TDRD9: variants seen among roughly 807,000 people sequenced by gnomAD.
The protein encoded by TDRD9 is ATP-dependent RNA helicase TDRD9.
A neutral mutation model predicts 172.6 loss-of-function variants in TDRD9; 124 were observed. The ratio of observed to expected loss-of-function variants is 0.72; its 90% CI spans 0.62 to 0.83. TDRD9 has a LOEUF of 0.83. Ranked by LOEUF, TDRD9 falls within the 40% of genes least tolerant of loss-of-function variation. TDRD9 has a pLI of 0.00. For synonymous variants in TDRD9, 619 were observed against 617.1 expected (o/e 1.00, Z -0.05); for missense variants, 1,479 against 1,714.1 (o/e 0.86, Z 2.42).
At chr14:103,939,932 TA>T (rs2031112614) in intron 1 of TDRD9, 1 of 150,814 alleles carries the variant, frequency 6.6e-6, no homozygotes, top group Non-Finnish European at 1.5e-5. Flanking sequence ...TTGATACGTA[TA>T]TTTTTTTCTT....
chr14:103,962,915 T>C (rs2032573586), intron 2 of TDRD9, among the ~76,000 whole-genome samples, 164 bp from the exon 3 acceptor site: 1 of 152,124 alleles, frequency 6.6e-6, no homozygotes. Context: ...ATGTCTTTGG[T>C]ATTGCCCTGA....
intron 32 of TDRD9, 124 bp downstream of exon 32, chr14:104,035,180 C>A: frequency 1.5e-6 from 1 of 685,310 alleles, no homozygotes; most frequent in Non-Finnish European, 2.5e-6. Flanking sequence ...GCACGTCTCG[C>A]TGCTTGGGGT....
chr14:104,019,486 T>G (rs1046513220), intron 23 of TDRD9, among the ~76,000 whole-genome samples: 3 of 152,168 alleles, frequency 2.0e-5, no homozygotes, highest in Non-Finnish European at 4.4e-5. Context: ...TAGGTGTTTA[T>G]ATCTTTTGCA....
intron 28 of TDRD9, among the ~76,000 whole-genome samples, chr14:104,027,941 CAT>C (rs368716972): frequency 9.2e-5 from 14 of 152,282 alleles, no homozygotes; most frequent in African/African-American, 3.4e-4. Flanking sequence ...TAAATGAGAA[CAT>C]GTCATATTTA....
intron 7 of TDRD9, among the ~76,000 whole-genome samples, chr14:103,982,873 C>A (rs1034366306): frequency 1.3e-5 from 2 of 152,068 alleles, no homozygotes; most frequent in Non-Finnish European, 2.9e-5. Flanking sequence ...TGCACTCCAG[C>A]CTGGACAACA....
intron 1 of TDRD9, among the ~76,000 whole-genome samples, chr14:103,954,740 T>C (rs539668054): frequency 6.6e-6 from 1 of 151,010 alleles, no homozygotes; most frequent in African/African-American, 2.4e-5. Context: ...GTGATTCTGC[T>C]ACCTTAGCCT....
At chr14:103,952,204 ATATATATATATATATATTTT>A (rs2031928837) in intron 1 of TDRD9, among the ~76,000 whole-genome samples, 1 of 74,296 alleles carries the variant, frequency 1.3e-5, no homozygotes, top group Non-Finnish European at 2.4e-5. Flanking sequence ...ATATATATAT[ATATATATATATATATATTTT>A]TTTTTTTTTT....
intron 23 of TDRD9, among the ~76,000 whole-genome samples, chr14:104,018,467 C>T (rs1055819943): frequency 1.3e-4 from 20 of 152,148 alleles, no homozygotes; most frequent in African/African-American, 3.4e-4. Flanking sequence ...GATGCTAAGG[C>T]GGATTCTCTT....
intron 2 of TDRD9, among the ~76,000 whole-genome samples, chr14:103,961,498 G>A (rs1455871269): frequency 6.6e-6 from 1 of 151,904 alleles, no homozygotes; most frequent in African/African-American, 2.4e-5. Context: ...AGGAGGCAGA[G>A]GTTGCAGTGA....
intron 34 of TDRD9, among the ~76,000 whole-genome samples, chr14:104,047,663 C>T (rs758554761): frequency 3.9e-5 from 6 of 152,302 alleles, no homozygotes; most frequent in East Asian, 1.9e-4. Flanking sequence ...ACGGTCGATA[C>T]GGCCTCACTG....
At position 103,991,146 on chromosome 14, in the gene TDRD9, C is replaced by A. The variant is rs373379033; in HGVS notation, c.1116-14C>A. The stretch of plus-strand genomic sequence containing the variant: ...AGCCTTCATTAATATTTGTGCACAT[C>A]ACATTTTTAACAGGAACAAGGCTTG... On this transcript the variant is annotated splice_polypyrimidine_tract_variant and intron_variant, in intron 8 of 35. Coordinates refer to ENST00000409874, the MANE Select transcript of TDRD9 (RefSeq NM_153046.3). 3 of 1,613,806 alleles carry A rather than the reference C, an allele frequency of 1.9e-6. No homozygotes were observed. In the African/African-American group the frequency reaches 4.0e-5, roughly 22 times the overall value.
At chr14:104,045,302 A>G (rs192494907) in intron 34 of TDRD9, among the ~76,000 whole-genome samples, 49 of 151,960 alleles carry the variant, frequency 3.2e-4, no homozygotes, top group African/African-American at 1.1e-3. Flanking sequence ...TGAGTATGGT[A>G]GTATCTCATT....
In TDRD9 at chr14:104,049,635, G is replaced by A; in HGVS notation, c.4002G>A (p.Glu1334=). ...LGLFCQSKPR[E]KIVPKWHEKP... ...TGTTCTGTCAGTCAAAACCAAGGGA[G>A]AAGATTGTTCCCAAGTGGCATGAAA... Residue 1334 remains glutamate (E), a synonymous_variant, in exon 35 of 36, where the codon GAG becomes GAA. Coordinates refer to ENST00000409874, the MANE Select transcript of TDRD9 (RefSeq NM_153046.3). The A allele has an allele frequency of 6.3e-7, 1 of 1,586,332 alleles. No individual in the cohort carries two copies. Among genetic ancestry groups the A allele is most frequent in the Non-Finnish European group, 8.6e-7 (1 of 1,166,332 alleles).
intron 28 of TDRD9, among the ~76,000 whole-genome samples, chr14:104,028,370 A>G (rs750756876): frequency 1.6e-4 from 25 of 152,076 alleles, no homozygotes; most frequent in Non-Finnish European, 3.1e-4. Context: ...TGTCTTTTTG[A>G]TAATAGCCAT....
intron 6 of TDRD9, among the ~76,000 whole-genome samples, chr14:103,973,327 G>T (rs1401343485): frequency 1.3e-5 from 2 of 152,210 alleles, no homozygotes; most frequent in Non-Finnish European, 2.9e-5. Flanking sequence ...AAGAGGACCT[G>T]GGTGTGGGGC....
chr14:103,981,443 G>A (rs772249070), intron 7 of TDRD9, among the ~76,000 whole-genome samples: 13 of 152,188 alleles, frequency 8.5e-5, no homozygotes, highest in South Asian at 8.3e-4. Flanking sequence ...TGCCTCATGG[G>A]TGGGTTATGT....
chr14:103,949,651 C>G (rs1194031624), intron 1 of TDRD9, among the ~76,000 whole-genome samples: 2 of 152,170 alleles, frequency 1.3e-5, no homozygotes, highest in Non-Finnish European at 2.9e-5. Flanking sequence ...CATGAAGACA[C>G]AGAAGCTCTA....
chr14:104,026,033 G>A lies in TDRD9; in HGVS notation c.2932-14G>A. 4 of 1,556,662 alleles carry A rather than the reference G, an allele frequency of 2.6e-6. No individual in the cohort carries two copies. The highest frequency in any genetic ancestry group is 3.5e-6 in the Non-Finnish European group (4 of 1,127,862). ...TGACCCCGTCGTAAAGTGTATACTT[G>A]CTTTATTTTCTAGGTATTCTTTGTA... On this transcript the variant is annotated splice_polypyrimidine_tract_variant and intron_variant, in intron 26 of 35. Coordinates refer to ENST00000409874, the MANE Select transcript of TDRD9 (RefSeq NM_153046.3).
intron 19 of TDRD9, 33 bp from the exon 20 acceptor site, chr14:104,008,379 TA>T: frequency 8.2e-7 from 1 of 1,214,596 alleles, no homozygotes; most frequent in Non-Finnish European, 1.2e-6. Flanking sequence ...TTTATTACCT[TA>T]ATATTGAGTA....
Sources: allele counts gnomAD v4.1 joint callset (sites outside exome capture counted in the v4.1 genomes callset), GRCh38; gene constraint gnomAD v4.1.1; transcripts MANE v1.5; gene names NCBI Gene and HGNC (gene_info 2026-07-23, HGNC 2026-07-21).